JAK1: variants seen among roughly 807,000 people sequenced by gnomAD.
JAK1 encodes the protein tyrosine-protein kinase JAK1.
In JAK1, 16 loss-of-function variants were observed where a neutral mutation model predicts 136.6. That is an observed-to-expected ratio of 0.12 (90% CI 0.08 to 0.18). JAK1 has a LOEUF of 0.18. Among genes scored for constraint, JAK1 ranks in the 10% least tolerant of loss-of-function variants. The probability of loss-of-function intolerance (pLI) is 1.00; values close to 1 mark genes in which losing one functional copy is unlikely to be tolerated. For missense variants in JAK1, 859 were observed against 1,450.1 expected (o/e 0.59, Z 6.62); for synonymous variants, 492 against 519.5 (o/e 0.95, Z 0.72).
At position 65,006,794 on chromosome 1, in the gene JAK1, T is replaced by G. The variant is rs370570783; in HGVS notation, c.-78+37686A>C. ...ATTACGCCTTGTATATAAAATATTTTATCTTCATAATATTTACGTTGATTC... is the reference window on the plus strand; with the variant it reads ...ATTACGCCTTGTATATAAAATATTTGATCTTCATAATATTTACGTTGATTC... On this transcript the variant is annotated intron_variant, in intron 2 of 25. Transcript: ENST00000671954. Among the ~76,000 whole-genome samples, 18 of 152,352 alleles carry G rather than the reference T, an allele frequency of 1.2e-4. 1 individual carries two copies. Among genetic ancestry groups the G allele is most frequent in the Admixed American group, 3.3e-4 (5 of 15,294 alleles).
At chr1:64,884,322 T>A (rs1203173247) in intron 2 of JAK1, among the ~76,000 whole-genome samples, 1 of 144,416 alleles carries the variant, frequency 6.9e-6, no homozygotes, top group Non-Finnish European at 1.6e-5. Context: ...TACACATTCT[T>A]TCTTCTTCTT....
At chr1:65,044,838 G>A (rs1281025641) in intron 1 of JAK1, among the ~76,000 whole-genome samples, 2 of 152,218 alleles carry the variant, frequency 1.3e-5, no homozygotes, top group African/African-American at 2.4e-5. Flanking sequence ...AGACTGTGAT[G>A]CCCTGGGCAA....
At chr1:64,977,466 T>C (rs1454719008) in intron 2 of JAK1, among the ~76,000 whole-genome samples, 1 of 151,386 alleles carries the variant, frequency 6.6e-6, no homozygotes, top group Non-Finnish European at 1.5e-5. Flanking sequence ...TTTTTTTTTT[T>C]TTTAGATGGA....
Position 64,844,804 on chromosome 1 carries a change from A to G in JAK1, c.2201T>C (p.Phe734Ser). 1 of 1,614,172 alleles carries G rather than the reference A, an allele frequency of 6.2e-7. No homozygotes were observed. ...GATGCCGGGGTCACTGAGCTTGATGAATGGGCCACACTCACTGTCGATGCC... is the reference window on the plus strand; with the variant it reads ...GATGCCGGGGTCACTGAGCTTGATGGATGGGCCACACTCACTGTCGATGCC... ...REGIDSECGP[F>S]IKLSDPGIPI... The change falls in exon 16 of 25, where the codon TTC (phenylalanine) becomes TCC (serine). Residue 734 changes from phenylalanine to serine, a missense_variant. Phe to Ser is a radical substitution (Grantham distance 155). This residue lies in a region of JAK1 where 409 missense variants were observed against 753.8 expected (regional missense o/e 0.54). Transcript: ENST00000342505. The surrounding 1 kb of genome is among the most constrained non-coding windows in gnomAD (Gnocchi z 5.7).
chr1:65,042,412 ACAC>A (rs1186669750), intron 2 of JAK1, among the ~76,000 whole-genome samples: 19 of 91,536 alleles, frequency 2.1e-4, no homozygotes, highest in African/African-American at 8.1e-4. Context: ...TATTTAACAC[ACAC>A]ACACACACAC....
intron 1 of JAK1, among the ~76,000 whole-genome samples, chr1:64,910,518 A>G (rs1162411852): frequency 6.6e-6 from 1 of 152,188 alleles, no homozygotes; most frequent in Non-Finnish European, 1.5e-5. Context: ...ATTACTTTGA[A>G]GAGTTAACGC....
chr1:64,947,195 T>C (rs976073041), intron 1 of JAK1, among the ~76,000 whole-genome samples: 1 of 152,080 alleles, frequency 6.6e-6, no homozygotes, highest in African/African-American at 2.4e-5. Context: ...ATGGCTCACA[T>C]GGTAAATTTT....
At chr1:64,901,096 G>A (rs553765719) in intron 1 of JAK1, among the ~76,000 whole-genome samples, 28 of 152,246 alleles carry the variant, frequency 1.8e-4, no homozygotes, top group Non-Finnish European at 2.8e-4. Flanking sequence ...CACCCTGAGG[G>A]CAGGGACTGC....
intron 2 of JAK1, among the ~76,000 whole-genome samples, chr1:65,029,615 G>C (rs1647006069): frequency 6.6e-6 from 1 of 152,172 alleles, no homozygotes; most frequent in Admixed American, 6.5e-5. Context: ...ACACCATGGA[G>C]TACTATGCAG....
chr1:64,969,403 A>AC (rs146499067), upstream of JAK1, among the ~76,000 whole-genome samples: 1,963 of 130,126 alleles, frequency 0.015, 17 homozygotes, highest in Non-Finnish European at 0.023. Flanking sequence ...CCCCCATCAC[A>AC]CCCCCCCGCA....
chr1:65,033,557 C>A (rs766952712), intron 2 of JAK1, among the ~76,000 whole-genome samples: 1 of 151,828 alleles, frequency 6.6e-6, no homozygotes, highest in African/African-American at 2.4e-5. Flanking sequence ...ATTTCATGAA[C>A]AAATTCAGCA....
intron 1 of JAK1, among the ~76,000 whole-genome samples, chr1:65,046,014 G>A (rs945699810): frequency 6.6e-6 from 1 of 152,150 alleles, no homozygotes; most frequent in Non-Finnish European, 1.5e-5. Context: ...TTAAATGGGT[G>A]GTGTATGTAA....
At chr1:64,847,759 T>TG (rs1655331684) in intron 12 of JAK1, 84 bp from the exon 13 acceptor site, 4 of 1,481,266 alleles carry the variant, frequency 2.7e-6, no homozygotes, top group Non-Finnish European at 3.7e-6. Context: ...AATGGGAACA[T>TG]GGACTATCAA....
In JAK1 at chr1:64,984,621, G is replaced by A; in HGVS notation, c.-78+59859C>T. On this transcript the variant is annotated intron_variant, in intron 2 of 25. Transcript: ENST00000671954. The surrounding 1 kb of genome is among the most constrained non-coding windows in gnomAD (Gnocchi z 4.1). ...GAGGCATGATTTAGACATTGGTGGT[G>A]GTCTCCTTAGCAGGCTGGATACTGT... 2.2e-6 allele frequency: 1 copy of A among 451,444 alleles called. No homozygotes were observed. Among genetic ancestry groups the A allele is most frequent in the Non-Finnish European group, 4.3e-6 (1 of 235,222 alleles). 28.0% of individuals were successfully genotyped at this position (451,444 alleles called of 1,614,324 possible). A position where few individuals can be genotyped will look rare whatever the true frequency, so the allele number is the denominator to read the frequency against.
At chr1:64,843,890 G>A (rs1655060924) in intron 17 of JAK1, among the ~76,000 whole-genome samples, 174 bp downstream of exon 17, 1 of 152,134 alleles carries the variant, frequency 6.6e-6, no homozygotes, top group African/African-American at 2.4e-5. Context: ...TGATGAAACT[G>A]AGGCTCACGG....
At chr1:64,886,783 C>A (rs796727735) in intron 1 of JAK1, among the ~76,000 whole-genome samples, 25 of 129,350 alleles carry the variant, frequency 1.9e-4, no homozygotes, top group African/African-American at 6.8e-4. Flanking sequence ...CACACACACA[C>A]ACACACACAG....
At chr1:64,905,777 G>C (rs1645180283) in intron 1 of JAK1, among the ~76,000 whole-genome samples, 1 of 152,142 alleles carries the variant, frequency 6.6e-6, no homozygotes, top group Non-Finnish European at 1.5e-5. Flanking sequence ...TGTTTTTGAT[G>C]TGTGTTTATG....
At position 64,907,303 on chromosome 1, in the gene JAK1, G is replaced by C. The variant is rs1473743387; in HGVS notation, c.-77-20962C>G. Among the ~76,000 whole-genome samples the C allele has an allele frequency of 3.9e-5, 6 of 152,244 alleles. No individual in the cohort carries two copies. In the East Asian group the frequency reaches 1.2e-3, roughly 29 times the overall value. The stretch of plus-strand genomic sequence containing the variant: ...AGGAATAGCTATTAGAAAATGAAAA[G>C]GCTGGGTTCTGAAAGGTTTTGATTC... On this transcript the variant is annotated intron_variant, in intron 1 of 24. Coordinates refer to ENST00000342505, the MANE Select transcript of JAK1 (RefSeq NM_002227.4).
intron 2 of JAK1, chr1:64,972,683 G>C (rs1646462289): frequency 6.6e-6 from 1 of 152,320 alleles, no homozygotes; most frequent in African/African-American, 2.4e-5. Flanking sequence ...CAGCTACTCA[G>C]TAGGCTGAGG....
Sources: allele counts gnomAD v4.1 joint callset (sites outside exome capture counted in the v4.1 genomes callset), GRCh38; gene constraint gnomAD v4.1.1; regional missense constraint gnomAD v4.1.1; non-coding constraint Gnocchi (gnomAD v3.1); transcripts MANE v1.5; gene names NCBI Gene and HGNC (gene_info 2026-07-23, HGNC 2026-07-21).